Variants in BORCS5 observed in about 807,000 individuals in gnomAD.
BORCS5 encodes BLOC-1-related complex subunit 5.
Under a neutral mutation model 22.1 loss-of-function variants are expected in BORCS5, and 17 were observed. The ratio of observed to expected loss-of-function variants is 0.77; its 90% CI spans 0.53 to 1.15. The LOEUF (loss-of-function observed/expected upper bound fraction) is 1.15, where lower values mean the gene tolerates loss of function less well. Ranked by LOEUF, BORCS5 falls within the 50% of genes most tolerant of loss-of-function variation. The pLI, the probability that BORCS5 is intolerant of heterozygous loss-of-function variation, is 0.00. For synonymous variants in BORCS5, 117 were observed against 99.8 expected, an observed-to-expected ratio of 1.17 and a Z score of -1.03; for missense variants, 247 against 253.2, an observed-to-expected ratio of 0.98 and a Z score of 0.17.
intron 2 of BORCS5, among the ~76,000 whole-genome samples, chr12:12,363,031 C>T (rs1260241479): frequency 6.6e-6 from 1 of 151,926 alleles, no homozygotes; most frequent in Non-Finnish European, 1.5e-5. Context: ...CATGGTGGCT[C>T]ACACCTGTAA....
intron 2 of BORCS5, among the ~76,000 whole-genome samples, chr12:12,418,180 T>C (rs1242910880): frequency 6.6e-6 from 1 of 150,918 alleles, no homozygotes; most frequent in East Asian, 1.9e-4. Context: ...CCTGCCGCCA[T>C]GCCTGGCTAA....
intron 3 of BORCS5, among the ~76,000 whole-genome samples, chr12:12,450,262 A>G (rs1206669424): frequency 1.3e-5 from 2 of 152,172 alleles, no homozygotes; most frequent in Non-Finnish European, 2.9e-5. Context: ...CTTCATCTGT[A>G]AAAGGAGGGG....
chr12:12,394,534 G>A (rs1448180292), intron 2 of BORCS5, among the ~76,000 whole-genome samples: 1 of 150,896 alleles, frequency 6.6e-6, no homozygotes, highest in African/African-American at 2.4e-5. Context: ...AATTTTTGCC[G>A]CCCTTTAAAA....
chr12:12,457,615 A>G (rs1943022615), intron 3 of BORCS5, among the ~76,000 whole-genome samples: 1 of 152,178 alleles, frequency 6.6e-6, no homozygotes. Flanking sequence ...GCCTGCAGTG[A>G]GCCGAGATCG....
chr12:12,370,666 G>A (rs563313466), intron 2 of BORCS5, among the ~76,000 whole-genome samples: 9 of 152,196 alleles, frequency 5.9e-5, no homozygotes, highest in Admixed American at 5.2e-4. Context: ...TGAGTTGTAT[G>A]TAATCTGTTA....
intron 2 of BORCS5, among the ~76,000 whole-genome samples, chr12:12,415,427 G>A (rs1346473090): frequency 1.5e-4 from 23 of 151,486 alleles, no homozygotes; most frequent in Non-Finnish European, 3.2e-4. Flanking sequence ...GCGTGCGCCT[G>A]CAATCGCAGG....
intron 2 of BORCS5, among the ~76,000 whole-genome samples, chr12:12,413,965 G>A (rs1186469339): frequency 3.5e-5 from 2 of 57,020 alleles, no homozygotes; most frequent in Non-Finnish European, 7.1e-5. Context: ...CGGACGGGGC[G>A]GCTGGCCGGG....
chr12:12,389,568 A>G (rs1434435686), intron 2 of BORCS5, among the ~76,000 whole-genome samples: 1 of 152,134 alleles, frequency 6.6e-6, no homozygotes, highest in East Asian at 1.9e-4. Context: ...CCTACAACCA[A>G]TTCTGATGCA....
At chr12:12,389,669 A>C (rs1941118839) in intron 2 of BORCS5, among the ~76,000 whole-genome samples, 1 of 150,852 alleles carries the variant, frequency 6.6e-6, no homozygotes, top group Admixed American at 6.6e-5. Flanking sequence ...TTTGAGACAG[A>C]GTCTCGCTCT....
intron 2 of BORCS5, among the ~76,000 whole-genome samples, chr12:12,409,198 C>G (rs903651541): frequency 1.3e-5 from 2 of 151,536 alleles, no homozygotes; most frequent in Non-Finnish European, 2.9e-5. Context: ...GTCAGGAATT[C>G]TTTTTATCTA....
intron 2 of BORCS5, among the ~76,000 whole-genome samples, chr12:12,413,226 G>T (rs527606479): frequency 2.2e-5 from 2 of 91,708 alleles, no homozygotes; most frequent in South Asian, 5.1e-4. Context: ...AGGACCCTGC[G>T]GCCTTCCGCA....
chr12:12,407,553 C>G lies in BORCS5; in HGVS notation c.203-28075C>G, dbSNP rs145968842. Among the ~76,000 whole-genome samples the G allele has an allele frequency of 1.8e-3, 281 of 152,196 alleles. 2 individuals are homozygous for G. Among genetic ancestry groups the G allele is most frequent in the African/African-American group, 6.6e-3 (273 of 41,516 alleles). ...ACAATTCAGTGGCATTAAGTATATTCACATTGTTGTGCAGTATCATGACCT... is the reference window on the plus strand; with the variant it reads ...ACAATTCAGTGGCATTAAGTATATTGACATTGTTGTGCAGTATCATGACCT... On this transcript the variant is annotated intron_variant, in intron 2 of 3. Transcript: ENST00000314565.
At chr12:12,385,278 T>G (rs1863856360) in intron 2 of BORCS5, among the ~76,000 whole-genome samples, 2 of 151,430 alleles carry the variant, frequency 1.3e-5, no homozygotes, top group Admixed American at 6.6e-5. Context: ...AGTATAGCTT[T>G]TGGCACTTTC....
At chr12:12,405,032 C>G (rs1941562295) in intron 2 of BORCS5, among the ~76,000 whole-genome samples, 1 of 152,130 alleles carries the variant, frequency 6.6e-6, no homozygotes, top group African/African-American at 2.4e-5. Context: ...CTACGAGGCA[C>G]CATACACACT....
In BORCS5 at chr12:12,357,293, G is replaced by GC; in HGVS notation, c.-158dup. On this transcript the variant is annotated 5_prime_UTR_variant, in exon 1 of 4. Coordinates refer to ENST00000314565, the MANE Select transcript of BORCS5 (RefSeq NM_058169.6). Reference sequence around the variant, plus strand: ...TCCTTCTCCCGCCGCCCAGGCCCCTGCGTGGGCTGGACGCGTCAGCCCCAC... The same window carrying GC: ...TCCTTCTCCCGCCGCCCAGGCCCCTGCCGTGGGCTGGACGCGTCAGCCCCAC... The GC allele has an allele frequency of 6.9e-7, 1 of 1,455,714 alleles. No homozygotes were observed. Among genetic ancestry groups the GC allele is most frequent in the Admixed American group, 2.6e-5 (1 of 38,384 alleles). 90.2% of individuals were successfully genotyped at this position (1,455,714 alleles called of 1,614,324 possible).
chr12:12,414,567 C>T (rs1941865215), intron 2 of BORCS5, among the ~76,000 whole-genome samples: 1 of 87,604 alleles, frequency 1.1e-5, no homozygotes, highest in Admixed American at 9.4e-5. Context: ...GGGCTGACCC[C>T]CCCACCTCCC....
intron 3 of BORCS5, among the ~76,000 whole-genome samples, chr12:12,454,802 CATT>C (rs1322350185): frequency 1.4e-4 from 21 of 152,184 alleles, no homozygotes; most frequent in Non-Finnish European, 7.3e-5. Context: ...TATATTATCT[CATT>C]ATAACCATTA....
chr12:12,381,728 A>G (rs1863778899), intron 2 of BORCS5, among the ~76,000 whole-genome samples: 1 of 151,618 alleles, frequency 6.6e-6, no homozygotes, highest in South Asian at 2.1e-4. Context: ...TATAAACCAT[A>G]TGTGCTTTTA....
chr12:12,407,101 T>C (rs115099628), intron 2 of BORCS5, among the ~76,000 whole-genome samples: 2,224 of 152,334 alleles, frequency 0.015, 52 homozygotes, highest in African/African-American at 0.05. Flanking sequence ...ATCTGAATTG[T>C]GAATGTTTGT....
Sources: allele counts gnomAD v4.1 joint callset (sites outside exome capture counted in the v4.1 genomes callset), GRCh38; gene constraint gnomAD v4.1.1; transcripts MANE v1.5; gene names NCBI Gene and HGNC (gene_info 2026-07-23, HGNC 2026-07-21).